TMEM185A: variants seen among roughly 807,000 people sequenced by gnomAD.
TMEM185A encodes the protein transmembrane protein 185A.
A neutral mutation model predicts 25.0 loss-of-function variants in TMEM185A; 9 were observed. That is an observed-to-expected ratio of 0.36 (90% confidence interval 0.22 to 0.63). TMEM185A has a LOEUF of 0.63. Ranked by LOEUF, TMEM185A falls within the 20% of genes least tolerant of loss-of-function variation. The pLI is 0.68. For synonymous variants in TMEM185A, 45 were observed against 93.5 expected (o/e 0.48, Z 2.99); for missense variants, 103 against 237.4 (o/e 0.43, Z 3.72).
chrX:149,631,729 TCGCCGTCGC>T lies in TMEM185A; in HGVS notation c.-158_-150del, dbSNP rs1328510852. On this transcript the variant is annotated 5_prime_UTR_variant, in exon 1 of 7. Transcript: ENST00000600449. Reference sequence around the variant, plus strand: ...GCTGCCGTCCCCGCTGCCGTCGCCGTCGCCGTCGCCGCCGCCGCCGCCGCCGCCGCCGCC... The same window carrying T: ...GCTGCCGTCCCCGCTGCCGTCGCCGTCGCCGCCGCCGCCGCCGCCGCCGCC... 18 of 438,591 alleles carry T rather than the reference TCGCCGTCGC, an allele frequency of 4.1e-5. No homozygotes were observed. The East Asian group carries it at 9.5e-4, about 23-fold the overall frequency. The allele number at this position is 438,591 out of a possible 1,213,427, so 36.1% of individuals were successfully genotyped here.
chrX:149,617,873 C>T (rs782142215), intron 1 of TMEM185A, among the ~76,000 whole-genome samples: 5 of 111,873 alleles, frequency 4.5e-5, no homozygotes, highest in African/African-American at 1.6e-4. Flanking sequence ...ATGACAACAA[C>T]AACATTGATG....
At chrX:149,602,521 T>A (rs1458582139) in intron 4 of TMEM185A, among the ~76,000 whole-genome samples, 1 of 112,486 alleles carries the variant, frequency 8.9e-6, no homozygotes, top group Non-Finnish European at 1.9e-5. Flanking sequence ...TTTACTGAAG[T>A]TCCCTTCATG....
chrX:149,604,050 G>C lies in TMEM185A; in HGVS notation c.444C>G (p.Val148=). 7 of 1,202,429 alleles carry C rather than the reference G, an allele frequency of 5.8e-6. No homozygotes were observed. Among genetic ancestry groups the C allele is most frequent in the Middle Eastern group, 2.4e-4 (1 of 4,227 alleles). Residue 148 remains valine, a synonymous_variant, in exon 4 of 7, where the codon GTC becomes GTG. Coordinates refer to ENST00000600449, the MANE Select transcript of TMEM185A (RefSeq NM_032508.4). ...CAATGAATATAAACTGGAGAATGTT[G>C]ACAGAACACAGGATTTCTAACTAAA... ...RSLELEILCS[V]NILQFIFIAL...
At chrX:149,598,543 G>T (rs1229465417) in intron 6 of TMEM185A, among the ~76,000 whole-genome samples, 109 of 28,421 alleles carry the variant, frequency 3.8e-3, no homozygotes, top group Non-Finnish European at 3.7e-3. Context: ...AAACTGAGTC[G>T]GGCTAGGGTG....
chrX:149,604,907 G>A (rs1474752976), intron 3 of TMEM185A, among the ~76,000 whole-genome samples: 3 of 111,278 alleles, frequency 2.7e-5, no homozygotes, highest in African/African-American at 9.9e-5. Context: ...CAGTCTTGGA[G>A]CCCTCTGGAG....
rs375025694 is a variant in TMEM185A, at chrX:149,631,641, T to G, written c.-61A>C. On this transcript the variant is annotated 5_prime_UTR_variant, in exon 1 of 7. Coordinates refer to ENST00000600449, the MANE Select transcript of TMEM185A (RefSeq NM_032508.4). ...CCCCCGCACCCCGTGCTGCACAGCC[T>G]GCGCCTTACAGCGGGTTCATGGCGC... is the stretch of plus-strand genomic sequence containing the variant. 21 of 1,061,723 alleles carry G rather than the reference T, an allele frequency of 2.0e-5. No homozygotes were observed. The East Asian group carries it at 3.5e-4, about 18-fold the overall frequency. 87.5% of individuals were successfully genotyped at this position (1,061,723 alleles called of 1,213,427 possible).
At chrX:149,612,864 C>A (rs1167141125) in intron 1 of TMEM185A, among the ~76,000 whole-genome samples, 8 of 111,904 alleles carry the variant, frequency 7.1e-5, no homozygotes, top group Non-Finnish European at 1.5e-4. Flanking sequence ...ATAGTAGGGG[C>A]CTCTCCTGGG....
intron 4 of TMEM185A, among the ~76,000 whole-genome samples, chrX:149,603,276 G>C (rs1167081195): frequency 1.8e-5 from 2 of 110,637 alleles, no homozygotes; most frequent in South Asian, 3.8e-4. Context: ...ACCAGCAAGA[G>C]TGTAAATGGG....
At chrX:149,630,040 A>C (rs1322666513) in intron 1 of TMEM185A, among the ~76,000 whole-genome samples, 1 of 111,907 alleles carries the variant, frequency 8.9e-6, no homozygotes, top group Non-Finnish European at 1.9e-5. Flanking sequence ...AATAGAAGAC[A>C]TACAGGGCTT....
At position 149,610,973 on chromosome X, in the gene TMEM185A, T is replaced by C. The variant is rs781885554; in HGVS notation, c.215+314A>G. On this transcript the variant is annotated intron_variant, in intron 2 of 6. Transcript: ENST00000600449. ...GACCAAACATAATATGAGTGTCTTT[T>C]CCTAAAAACAGGGTGGTTTCATGCT... Among the ~76,000 whole-genome samples, 5 of 111,819 alleles carry C rather than the reference T, an allele frequency of 4.5e-5. No individual in the cohort carries two copies. In the South Asian group the frequency reaches 1.9e-3, roughly 42 times the overall value.
intron 1 of TMEM185A, among the ~76,000 whole-genome samples, chrX:149,622,667 A>G (rs917184608): frequency 8.0e-5 from 9 of 112,047 alleles, no homozygotes; most frequent in African/African-American, 2.6e-4. Context: ...TGTGAGATAC[A>G]TAAAAAGGAG....
intron 1 of TMEM185A, among the ~76,000 whole-genome samples, chrX:149,620,882 C>T (rs1412568597): frequency 8.9e-6 from 1 of 112,059 alleles, no homozygotes; most frequent in African/African-American, 3.2e-5. Context: ...AAGAAGAGAG[C>T]CTGTGTCAAG....
chrX:149,604,448 C>T (rs1294095408), intron 3 of TMEM185A, among the ~76,000 whole-genome samples: 4 of 112,016 alleles, frequency 3.6e-5, no homozygotes, highest in Middle Eastern at 4.6e-3. Context: ...TCTTCTCATA[C>T]CTCGGTTTTG....
intron 2 of TMEM185A, 59 bp from the exon 3 acceptor site, chrX:149,608,893 C>A: frequency 2.0e-6 from 2 of 995,926 alleles, no homozygotes; most frequent in South Asian, 4.3e-5. Flanking sequence ...TATAAGCAAG[C>A]AGTTCAGGGC....
At position 149,608,676 on chromosome X, in the gene TMEM185A, A is replaced by G; in HGVS notation, c.374T>C (p.Val125Ala). ...VFMPLFFVSP[V>A]SVAACVWGFR... The stretch of plus-strand genomic sequence containing the variant: ...GCCCCAAACGCAAGCTGCAACAGAC[A>G]CCGGGGAAACAAAGAACAGCGGCAT... The change falls in exon 3 of 7, where the codon GTG (valine) becomes GCG (alanine). Residue 125 changes from valine to alanine, a missense_variant. Physicochemically the swap from Val to Ala is moderately conservative, Grantham distance 64. Transcript: ENST00000600449. 1 of 1,211,858 alleles carries G rather than the reference A, an allele frequency of 8.3e-7. No homozygotes were observed. The highest frequency in any genetic ancestry group is 1.8e-5 in the South Asian group (1 of 57,006).
Position 149,604,078 on chromosome X carries a change from TGAAGA to T in TMEM185A, c.424-13_424-9del, listed in dbSNP as rs2090032291. On this transcript the variant is annotated splice_polypyrimidine_tract_variant and intron_variant, in intron 3 of 6. Coordinates refer to ENST00000600449, the MANE Select transcript of TMEM185A (RefSeq NM_032508.4). ...AGAACACAGGATTTCTAACTAAAAA[TGAAGA>T]GAAGAATCAGTTAAACAAAGTATAA... is the stretch of plus-strand genomic sequence containing the variant. The T allele has an allele frequency of 8.7e-7, 1 of 1,148,128 alleles. No individual in the cohort carries two copies. The highest frequency in any genetic ancestry group is 1.2e-6 in the Non-Finnish European group (1 of 842,647). The allele number at this position is 1,148,128 out of a possible 1,213,427, so 94.6% of individuals were successfully genotyped here.
At chrX:149,621,421 T>TA (rs1234951543) in intron 1 of TMEM185A, among the ~76,000 whole-genome samples, 1 of 111,934 alleles carries the variant, frequency 8.9e-6, no homozygotes, top group Non-Finnish European at 1.9e-5. Flanking sequence ...ACATGAAAAA[T>TA]AGAAAACAAG....
rs1460579666 is a variant in TMEM185A, at chrX:149,604,529, C to T, written c.424-459G>A. Reference sequence around the variant, plus strand: ...CACATCAAGCCATCAACTGTAGATTCCGTACTGTATCTTTAACCCCACCTA... The same window carrying T: ...CACATCAAGCCATCAACTGTAGATTTCGTACTGTATCTTTAACCCCACCTA... On this transcript the variant is annotated intron_variant, in intron 3 of 6. Coordinates refer to ENST00000600449, the MANE Select transcript of TMEM185A (RefSeq NM_032508.4). Among the ~76,000 whole-genome samples, 3 of 111,584 alleles carry T rather than the reference C, an allele frequency of 2.7e-5. No homozygotes were observed. The East Asian group carries it at 8.4e-4, about 31-fold the overall frequency.
chrX:149,627,770 G>A (rs782222830), intron 1 of TMEM185A, among the ~76,000 whole-genome samples: 24 of 112,292 alleles, frequency 2.1e-4, no homozygotes, highest in African/African-American at 7.8e-4. Context: ...TACGCATTGA[G>A]AGGAGGACTA....
Sources: allele counts gnomAD v4.1 joint callset (sites outside exome capture counted in the v4.1 genomes callset), GRCh38; gene constraint gnomAD v4.1.1; transcripts MANE v1.5; gene names NCBI Gene and HGNC (gene_info 2026-07-23, HGNC 2026-07-21).